The following PARD3B variants were observed in gnomAD, a reference collection of about 807,000 sequenced individuals.
PARD3B encodes the protein partitioning defective 3 homolog B.
In PARD3B, 103 loss-of-function variants were observed where a neutral mutation model predicts 130.2. The observed-to-expected ratio is 0.79, with a 90% confidence interval of 0.67 to 0.93. PARD3B has a LOEUF of 0.93. Ranked by LOEUF, PARD3B falls within the 40% of genes least tolerant of loss-of-function variation. The probability of loss-of-function intolerance (pLI) is 0.00; values close to 1 mark genes in which losing one functional copy is unlikely to be tolerated. For missense variants in PARD3B, 1,609 were observed against 1,499.2 expected, an observed-to-expected ratio of 1.07 and a Z score of -1.21; for synonymous variants, 583 against 553.2, an observed-to-expected ratio of 1.05 and a Z score of -0.76.
chr2:205,173,007 T>C (rs867412889), intron 12 of PARD3B, among the ~76,000 whole-genome samples: 20 of 152,170 alleles, frequency 1.3e-4, no homozygotes, highest in Admixed American at 3.3e-4. Context: ...AACATAAAAA[T>C]ACCTAAAACA....
At position 205,150,062 on chromosome 2, in the gene PARD3B, C is replaced by T. The variant is rs540606792; in HGVS notation, c.1435-8660C>T. ...CAGGTGCTGGGCATTAGGCCTACAC[C>T]TATGCAGGGGAGGCATTAGAGCATC... On this transcript the variant is annotated intron_variant, in intron 10 of 22. Coordinates refer to ENST00000406610, the MANE Select transcript of PARD3B (RefSeq NM_001302769.2). 2.0e-5 allele frequency among the ~76,000 whole-genome samples: 3 copies of T among 152,284 alleles called. No individual in the cohort carries two copies. The South Asian group carries it at 6.2e-4, about 32-fold the overall frequency.
In PARD3B at chr2:205,448,810, G is replaced by A. The variant is rs1454870844; in HGVS notation, c.3044+8138G>A. Reference sequence around the variant, plus strand: ...CCAGTTCATCTGAACTTATCTTAGTGATAACGAGGTACACCATGTTTGTGA... The same window carrying A: ...CCAGTTCATCTGAACTTATCTTAGTAATAACGAGGTACACCATGTTTGTGA... On this transcript the variant is annotated intron_variant, in intron 20 of 22. Transcript: ENST00000406610. 2.0e-5 allele frequency among the ~76,000 whole-genome samples: 3 copies of A among 152,198 alleles called. No homozygotes were observed. The East Asian group carries it at 5.8e-4, about 29-fold the overall frequency.
chr2:205,121,772 A>G lies in PARD3B; in HGVS notation c.988A>G (p.Thr330Ala). The change falls in exon 8 of 23, where the codon ACA becomes GCA. Residue 330 changes from threonine (T) to alanine (A), a missense_variant. Thr to Ala is a moderately conservative substitution (Grantham distance 58). Transcript: ENST00000406610. This position sits in a 1 kb window ranked among gnomAD's most constrained non-coding sequence, Gnocchi z 5.0. ...TGTCCATGGAAAATCGGGACTAAAGACAGCAAATCTCACAGGAACCGATAG... is the reference window on the plus strand; with the variant it reads ...TGTCCATGGAAAATCGGGACTAAAGGCAGCAAATCTCACAGGAACCGATAG... ...PPVHGKSGLK[T>A]ANLTGTDSPE... The G allele has an allele frequency of 6.2e-7, 1 of 1,614,136 alleles. No homozygotes were observed.
intron 1 of PARD3B, among the ~76,000 whole-genome samples, chr2:204,618,555 CTT>C (rs1243652746): frequency 6.6e-6 from 1 of 152,202 alleles, no homozygotes; most frequent in Admixed American, 6.5e-5. Flanking sequence ...GTTGGGAACT[CTT>C]AACTCCTAGA....
intron 2 of PARD3B, among the ~76,000 whole-genome samples, chr2:204,808,732 A>G (rs560780766): frequency 5.9e-5 from 9 of 152,214 alleles, no homozygotes; most frequent in African/African-American, 2.2e-4. Flanking sequence ...CCAGTCTGTG[A>G]TGATAGGCAT....
chr2:204,859,846 G>T (rs1336361672), intron 2 of PARD3B, among the ~76,000 whole-genome samples: 1 of 152,180 alleles, frequency 6.6e-6, no homozygotes, highest in East Asian at 1.9e-4. Flanking sequence ...GCCTTAGGGA[G>T]GATATTAATG....
At chr2:204,727,077 A>G (rs1250383589) in intron 2 of PARD3B, among the ~76,000 whole-genome samples, 2 of 152,216 alleles carry the variant, frequency 1.3e-5, no homozygotes, top group Non-Finnish European at 2.9e-5. Context: ...TGAGAAGTTT[A>G]TCAAGGAATA....
At chr2:205,520,733 C>T (rs1027678826) in intron 21 of PARD3B, among the ~76,000 whole-genome samples, 2 of 151,874 alleles carry the variant, frequency 1.3e-5, no homozygotes, top group African/African-American at 4.8e-5. Flanking sequence ...AATTGGGAAC[C>T]TTCTGAATAT....
intron 14 of PARD3B, among the ~76,000 whole-genome samples, chr2:205,186,811 A>G (rs2036127806): frequency 6.6e-6 from 1 of 152,204 alleles, no homozygotes; most frequent in Admixed American, 6.5e-5. Context: ...GGGGTTTCAT[A>G]AAAGAAAATG....
chr2:205,300,440 G>T lies in PARD3B; in HGVS notation c.2186-90G>T, dbSNP rs770381448. ...CACCCACTTAACACCCCTTTTTTGG[G>T]ATGTCCAGACAGAAATATTCTTAGA... On this transcript the variant is annotated intron_variant, in intron 16 of 22. Transcript: ENST00000406610. The surrounding 1 kb of genome is among the most constrained non-coding windows in gnomAD (Gnocchi z 4.1). 8.1e-7 allele frequency: 1 copy of T among 1,240,624 alleles called. No individual in the cohort carries two copies. Among genetic ancestry groups the T allele is most frequent in the Non-Finnish European group, 1.2e-6 (1 of 866,778 alleles). The allele number at this position is 1,240,624 out of a possible 1,614,324, so 76.9% of individuals were successfully genotyped here.
chr2:204,597,359 T>G (rs1004773450), intron 1 of PARD3B, among the ~76,000 whole-genome samples: 2 of 152,080 alleles, frequency 1.3e-5, no homozygotes, highest in African/African-American at 4.8e-5. Flanking sequence ...TCTCCAGGTG[T>G]GGATGCTTTG....
At position 205,589,975 on chromosome 2, in the gene PARD3B, G is replaced by T. The variant is rs893157451; in HGVS notation, c.3261-25481G>T. On this transcript the variant is annotated intron_variant, in intron 22 of 22. Coordinates refer to ENST00000406610, the MANE Select transcript of PARD3B (RefSeq NM_001302769.2). This position sits in a 1 kb window ranked among gnomAD's most constrained non-coding sequence, Gnocchi z 4.1. ...GTATCAAGCTGAAGAAGCATAAGCT[G>T]CAACAAAGCTTTTCTCCCCCAAGGT... Among the ~76,000 whole-genome samples the T allele has an allele frequency of 6.6e-6, 1 of 152,076 alleles. No individual in the cohort carries two copies. The highest frequency in any genetic ancestry group is 1.5e-5 in the Non-Finnish European group (1 of 68,026).
In PARD3B at chr2:205,352,763, C is replaced by G. The variant is rs550227219; in HGVS notation, c.2631-48250C>G. Among the ~76,000 whole-genome samples the G allele has an allele frequency of 1.4e-4, 22 of 152,132 alleles. No individual in the cohort carries two copies. The highest frequency in any genetic ancestry group is 2.9e-4 in the Non-Finnish European group (20 of 68,028). On this transcript the variant is annotated intron_variant, in intron 18 of 22. Transcript: ENST00000406610. The surrounding 1 kb of genome is among the most constrained non-coding windows in gnomAD (Gnocchi z 5.2). ...TAACTTTGCAGCCATGAGCCATCCC[C>G]TTGTCATTTTCAGCCCCTGACTTGT...
chr2:205,037,587 A>G (rs1341713968), intron 3 of PARD3B, among the ~76,000 whole-genome samples: 3 of 148,316 alleles, frequency 2.0e-5, no homozygotes, highest in East Asian at 2.0e-4. Context: ...ATATATGTAC[A>G]GTCGACTATA....
At chr2:205,536,698 C>G (rs920929177) in intron 21 of PARD3B, among the ~76,000 whole-genome samples, 13 of 152,274 alleles carry the variant, frequency 8.5e-5, no homozygotes, top group African/African-American at 3.1e-4. Flanking sequence ...ATGTAACTCT[C>G]TCTACTTCCT....
chr2:205,558,556 G>A lies in PARD3B; in HGVS notation c.3260+5153G>A, dbSNP rs148459743. Among the ~76,000 whole-genome samples the A allele has an allele frequency of 2.0e-3, 307 of 152,178 alleles. 1 individual carries two copies. The highest frequency in any genetic ancestry group is 7.3e-3 in the African/African-American group (301 of 41,504). ...TAAGAAAAAGTGGGCTATACCTGTT[G>A]GTTCTATTTCCACTCAACCCACTCA... is the stretch of plus-strand genomic sequence containing the variant. On this transcript the variant is annotated intron_variant, in intron 22 of 22. Coordinates refer to ENST00000406610, the MANE Select transcript of PARD3B (RefSeq NM_001302769.2). The surrounding 1 kb of genome is among the most constrained non-coding windows in gnomAD (Gnocchi z 4.8).
intron 2 of PARD3B, among the ~76,000 whole-genome samples, chr2:204,878,984 TA>T (rs2125664268): frequency 6.6e-6 from 1 of 152,290 alleles, no homozygotes; most frequent in South Asian, 2.1e-4. Context: ...CAGAAAGCTG[TA>T]ATTGTTGGTT....
At chr2:205,449,719 C>T (rs572870845) in intron 20 of PARD3B, among the ~76,000 whole-genome samples, 2 of 152,280 alleles carry the variant, frequency 1.3e-5, no homozygotes, top group Admixed American at 6.5e-5. Context: ...CAGCGCACAG[C>T]TCCTGAATGC....
Position 205,057,607 on chromosome 2 carries a change from G to GTATGTGTATACGTATATATATATACATA in PARD3B, c.504+9926_504+9927insACGTATATATATATACATATATGTGTAT, listed in dbSNP as rs1553605803. Among the ~76,000 whole-genome samples, 15 of 68,498 alleles carry GTATGTGTATACGTATATATATATACATA rather than the reference G, an allele frequency of 2.2e-4. No homozygotes were observed. The South Asian group carries it at 4.4e-3, about 20-fold the overall frequency. 44.9% of individuals were successfully genotyped at this position (68,498 alleles called of 152,430 possible). On this transcript the variant is annotated intron_variant, in intron 4 of 22. Coordinates refer to ENST00000406610, the MANE Select transcript of PARD3B (RefSeq NM_001302769.2). ...TGTATACGTATATATACATATATGTGTATGTGTATGTGTATACGTATATAT... is the reference window on the plus strand; with the variant it reads ...TGTATACGTATATATACATATATGTGTATGTGTATACGTATATATATATACATATATGTGTATGTGTATACGTATATAT...
Sources: gnomAD v4.1 joint callset for allele counts (sites outside exome capture counted in the v4.1 genomes callset) on GRCh38, gnomAD v4.1.1 for gene constraint, Gnocchi (gnomAD v3.1) non-coding constraint, MANE v1.5 for transcripts, NCBI Gene and HGNC (gene_info 2026-07-23, HGNC 2026-07-21) for gene names.